The following PRKACB variants were observed in gnomAD, a reference collection of about 807,000 sequenced individuals.
The protein encoded by PRKACB is protein kinase cAMP-activated catalytic subunit beta.
PRKACB carries 16 observed loss-of-function variants against 51.4 expected under a neutral mutation model. That is an observed-to-expected ratio of 0.31 (90% CI 0.21 to 0.47). The LOEUF is 0.47. Ranked by LOEUF, PRKACB falls within the 20% of genes least tolerant of loss-of-function variation. The pLI, the probability that PRKACB is intolerant of heterozygous loss-of-function variation, is 1.00. For missense variants in PRKACB, 309 were observed against 464.5 expected (o/e 0.67, Z 3.08); for synonymous variants, 147 against 154.4 (o/e 0.95, Z 0.35).
At chr1:84,194,954 G>A (rs1482187977) in intron 5 of PRKACB, among the ~76,000 whole-genome samples, 2 of 152,086 alleles carry the variant, frequency 1.3e-5, no homozygotes, top group East Asian at 1.9e-4. Flanking sequence ...TCTATGTAAT[G>A]TATGTGTTCC....
At chr1:84,089,055 C>T (rs1217231857) in intron 1 of PRKACB, among the ~76,000 whole-genome samples, 2 of 152,128 alleles carry the variant, frequency 1.3e-5, no homozygotes, top group Non-Finnish European at 2.9e-5. Context: ...TACTACATTG[C>T]TTTTTCAACT....
intron 9 of PRKACB, among the ~76,000 whole-genome samples, chr1:84,224,570 G>A (rs1200717273): frequency 1.3e-5 from 2 of 152,214 alleles, no homozygotes; most frequent in South Asian, 2.1e-4. Flanking sequence ...AGTGGGTGGG[G>A]CAGGGCAATC....
At chr1:84,117,698 T>C (rs2100870468) in intron 1 of PRKACB, among the ~76,000 whole-genome samples, 1 of 152,324 alleles carries the variant, frequency 6.6e-6, no homozygotes, top group East Asian at 1.9e-4. Context: ...TCTTGGTTAG[T>C]ATAGCTAGCA....
chr1:84,120,774 C>G (rs1424984786), intron 1 of PRKACB, among the ~76,000 whole-genome samples: 1 of 151,802 alleles, frequency 6.6e-6, no homozygotes, highest in Non-Finnish European at 1.5e-5. Flanking sequence ...CTTAGTGGTA[C>G]ATGATATAAT....
chr1:84,088,238 T>C (rs149422766), intron 1 of PRKACB, among the ~76,000 whole-genome samples: 72 of 152,300 alleles, frequency 4.7e-4, no homozygotes, highest in African/African-American at 1.7e-3. Context: ...TAATGTTATA[T>C]TCACTGTTGT....
intron 1 of PRKACB, chr1:84,165,128 G>A (rs1055895379): frequency 5.7e-6 from 5 of 870,222 alleles, no homozygotes; most frequent in African/African-American, 1.7e-5. Flanking sequence ...ATTATATTTT[G>A]TGGTGACGCT....
chr1:84,221,984 TTCTC>T (rs1673798235), intron 9 of PRKACB, among the ~76,000 whole-genome samples: 1 of 152,150 alleles, frequency 6.6e-6, no homozygotes, highest in African/African-American at 2.4e-5. Flanking sequence ...TTTTGGTTGA[TTCTC>T]TCTCTCAATA....
chr1:84,205,053 T>A (rs1671124867), intron 8 of PRKACB: 1 of 983,024 alleles, frequency 1.0e-6, no homozygotes, highest in African/African-American at 1.7e-5. Flanking sequence ...TATCACAATA[T>A]TCTGTTTTCC....
At chr1:84,158,141 G>C (rs975793373) in intron 1 of PRKACB, among the ~76,000 whole-genome samples, 3 of 151,644 alleles carry the variant, frequency 2.0e-5, no homozygotes, top group African/African-American at 7.3e-5. Context: ...AGTGGCGCAA[G>C]TGATTCTCCT....
At chr1:84,224,759 T>TA (rs1158022052) in intron 9 of PRKACB, among the ~76,000 whole-genome samples, 2 of 152,178 alleles carry the variant, frequency 1.3e-5, no homozygotes, top group Non-Finnish European at 2.9e-5. Context: ...GGTCTGTTGT[T>TA]AGACCCCCTG....
chr1:84,197,905 A>T lies in PRKACB; in HGVS notation c.783+81A>T, dbSNP rs1452695192. The T allele has an allele frequency of 9.5e-6, 9 of 943,232 alleles. No individual in the cohort carries two copies. In the Admixed American group the frequency reaches 2.2e-4, roughly 23 times the overall value. 58.4% of individuals were successfully genotyped at this position (943,232 alleles called of 1,614,324 possible). A position where few individuals can be genotyped will look rare whatever the true frequency, so the allele number is the denominator to read the frequency against. ...GGACTTTTGTAAAAACAGTTTATTGATCTAATTTTACATTTTTAATTTGAT... is the reference window on the plus strand; with the variant it reads ...GGACTTTTGTAAAAACAGTTTATTGTTCTAATTTTACATTTTTAATTTGAT... On this transcript the variant is annotated intron_variant, in intron 7 of 9. Transcript: ENST00000370685.
chr1:84,182,328 G>A lies in PRKACB; in HGVS notation c.378G>A (p.Lys126=), dbSNP rs748843138. ...YYAMKILDKQ[K]VVKLKQIEHT... ...CCATGAAGATCTTAGATAAGCAGAA[G>A]GTGAGTGTATTTGTTGTTATTTACC... The change falls in exon 3 of 10, where the codon AAG becomes AAA. Residue 126 remains lysine, a splice_region_variant and synonymous_variant. Coordinates refer to ENST00000370685, the MANE Select transcript of PRKACB (RefSeq NM_182948.4). The A allele has an allele frequency of 1.3e-5, 21 of 1,557,650 alleles. No individual in the cohort carries two copies. The East Asian group carries it at 1.4e-4, about 10-fold the overall frequency.
chr1:84,109,550 A>C (rs1414876958), intron 1 of PRKACB, among the ~76,000 whole-genome samples: 3 of 151,898 alleles, frequency 2.0e-5, no homozygotes, highest in Non-Finnish European at 4.4e-5. Flanking sequence ...AAATACAAAC[A>C]GTATTTACAC....
chr1:84,135,942 A>G (rs1652760590), intron 1 of PRKACB, among the ~76,000 whole-genome samples: 1 of 152,076 alleles, frequency 6.6e-6, no homozygotes, highest in African/African-American at 2.4e-5. Flanking sequence ...ATGGAAAACA[A>G]TAAATTCAAC....
At chr1:84,163,936 A>G (rs1476888869) in intron 1 of PRKACB, among the ~76,000 whole-genome samples, 2 of 151,946 alleles carry the variant, frequency 1.3e-5, no homozygotes, top group Non-Finnish European at 2.9e-5. Flanking sequence ...TCTGTTCACC[A>G]TGCTACCCAG....
intron 1 of PRKACB, chr1:84,078,470 G>T: frequency 7.1e-7 from 1 of 1,411,088 alleles, no homozygotes; most frequent in Non-Finnish European, 9.6e-7. Flanking sequence ...GCACGGGCCA[G>T]GCCTAGCAGC....
chr1:84,110,641 T>G (rs1650154117), intron 1 of PRKACB, among the ~76,000 whole-genome samples: 1 of 151,964 alleles, frequency 6.6e-6, no homozygotes, highest in Non-Finnish European at 1.5e-5. Flanking sequence ...TTTCCCTTAC[T>G]CTATAGTAGA....
At chr1:84,128,386 A>G (rs948334564) in intron 1 of PRKACB, among the ~76,000 whole-genome samples, 2 of 152,330 alleles carry the variant, frequency 1.3e-5, no homozygotes, top group East Asian at 1.9e-4. Flanking sequence ...ATTTGGGTCT[A>G]TAGCATTCTG....
At position 84,078,984 on chromosome 1, in the gene PRKACB, C is replaced by T. The variant is rs566583612; in HGVS notation, c.46+613C>T. Among the ~76,000 whole-genome samples, 8 of 152,316 alleles carry T rather than the reference C, an allele frequency of 5.3e-5. No individual in the cohort carries two copies. In the East Asian group the frequency reaches 1.5e-3, roughly 29 times the overall value. On this transcript the variant is annotated intron_variant, in intron 1 of 8. Transcript: ENST00000370688. ...CAGGTTTGCCTTTTCTCTAGACATT[C>T]AAGGATCTGCTACCAATGCCTGTAA...
Sources: allele counts gnomAD v4.1 joint callset (sites outside exome capture counted in the v4.1 genomes callset), GRCh38; gene constraint gnomAD v4.1.1; transcripts MANE v1.5; gene names NCBI Gene and HGNC (gene_info 2026-07-23, HGNC 2026-07-21).